The following NANOS3 variants were observed in gnomAD, a reference collection of about 807,000 sequenced individuals.
NANOS3 encodes nanos homolog 3.
Under a neutral mutation model 13.8 loss-of-function variants are expected in NANOS3, and 11 were observed. That is an observed-to-expected ratio of 0.80 (90% CI 0.50 to 1.32). The LOEUF is 1.32. Among genes scored for constraint, NANOS3 ranks in the 40% most tolerant of loss-of-function variants. The probability of loss-of-function intolerance (pLI) is 0.00; values close to 1 mark genes in which losing one functional copy is unlikely to be tolerated. For missense variants in NANOS3, 221 were observed against 263.8 expected, an observed-to-expected ratio of 0.84 and a Z score of 1.12; for synonymous variants, 119 against 115.4, an observed-to-expected ratio of 1.03 and a Z score of -0.20.
intron 1 of NANOS3, among the ~76,000 whole-genome samples, chr19:13,865,822 C>T (rs1324730018): frequency 3.3e-5 from 5 of 149,368 alleles, no homozygotes; most frequent in Non-Finnish European, 6.0e-5. Flanking sequence ...CGACACCTGA[C>T]CGCGCGCGGG....
chr19:13,872,928 G>A (rs940546856), upstream of NANOS3, among the ~76,000 whole-genome samples: 5 of 152,094 alleles, frequency 3.3e-5, no homozygotes, highest in African/African-American at 1.2e-4. Flanking sequence ...GGGGCTTCGG[G>A]AGGGCGAGTT....
At chr19:13,874,179 C>T (rs1401052377), upstream of NANOS3, among the ~76,000 whole-genome samples, 1 of 152,154 alleles carries the variant, frequency 6.6e-6, no homozygotes, top group African/African-American at 2.4e-5. Flanking sequence ...GACCTGACGA[C>T]CCCCCACCCC....
chr19:13,876,353 T>A (rs7251902), upstream of NANOS3, among the ~76,000 whole-genome samples: 1,651 of 152,112 alleles, frequency 0.011, 34 homozygotes, highest in African/African-American at 0.038. Context: ...AGAGACAGGG[T>A]TTCACCATGT....
intron 1 of NANOS3, among the ~76,000 whole-genome samples, chr19:13,869,258 C>G (rs575282500): frequency 6.6e-6 from 1 of 152,188 alleles, no homozygotes; most frequent in Non-Finnish European, 1.5e-5. Flanking sequence ...AAGTGATCCT[C>G]CTGCCTCGGC....
At chr19:13,863,879 G>A (rs961309830), upstream of NANOS3, among the ~76,000 whole-genome samples, 4 of 152,078 alleles carry the variant, frequency 2.6e-5, no homozygotes, top group African/African-American at 7.2e-5. Context: ...ACTGAGGCAG[G>A]ACTGTGGTGG....
upstream of NANOS3, among the ~76,000 whole-genome samples, chr19:13,865,238 G>GGGC (rs1328600038): frequency 6.8e-6 from 1 of 146,822 alleles, no homozygotes; most frequent in South Asian, 2.1e-4. Context: ...ACAGGCGGGC[G>GGGC]GGCGGCGGCG....
At chr19:13,867,318 C>T (rs997588508) in intron 1 of NANOS3, among the ~76,000 whole-genome samples, 1 of 123,562 alleles carries the variant, frequency 8.1e-6, no homozygotes, top group Non-Finnish European at 1.9e-5. Flanking sequence ...GATCTAGGCT[C>T]ACTGCAATCT....
chr19:13,874,632 C>G, upstream of NANOS3: 1 of 496,182 alleles, frequency 2.0e-6, no homozygotes, highest in Admixed American at 2.0e-5. Context: ...GTTCCTTACT[C>G]TCTCCTCCTC....
chr19:13,866,559 C>A (rs115336165), intron 1 of NANOS3, among the ~76,000 whole-genome samples: 1 of 152,330 alleles, frequency 6.6e-6, no homozygotes, highest in African/African-American at 2.4e-5. Flanking sequence ...TGTGTAGACA[C>A]GTCACCCACA....
At chr19:13,868,123 A>G (rs1227745665) in intron 1 of NANOS3, among the ~76,000 whole-genome samples, 1 of 151,716 alleles carries the variant, frequency 6.6e-6, no homozygotes, top group East Asian at 2.0e-4. Context: ...CAGTGACACA[A>G]TCTCAGCTCA....
chr19:13,864,557 C>A (rs1037146292), upstream of NANOS3, among the ~76,000 whole-genome samples: 11 of 152,084 alleles, frequency 7.2e-5, no homozygotes, highest in African/African-American at 2.7e-4. Flanking sequence ...ATGTCTATAT[C>A]CATGTATTAG....
chr19:13,880,498 A>C lies in NANOS3; in HGVS notation c.574A>C (p.Thr192Pro). The change falls in exon 2 of 2, where the codon ACC (threonine) becomes CCC (proline). Residue 192 changes from threonine (T) to proline (P), a missense_variant. Transcript: ENST00000339133. Reference sequence around the variant, plus strand: ...GCCCTCCTGCTCTCCCTCCATGTCCACCTAGGAGGCTGCCTACACCTGGGC... The same window carrying C: ...GCCCTCCTGCTCTCCCTCCATGTCCCCCTAGGAGGCTGCCTACACCTGGGC... ...PSPSCSPSMS[T>P] 6.2e-7 allele frequency: 1 copy of C among 1,613,240 alleles called. No homozygotes were observed. Among genetic ancestry groups the C allele is most frequent in the Non-Finnish European group, 8.5e-7 (1 of 1,179,576 alleles).
chr19:13,873,774 C>T (rs1037741797), upstream of NANOS3, among the ~76,000 whole-genome samples: 1 of 151,996 alleles, frequency 6.6e-6, no homozygotes, highest in Non-Finnish European at 1.5e-5. Context: ...CCGGCCATGC[C>T]GGGTGCACCT....
At chr19:13,869,942 G>A (rs1976301184) in intron 1 of NANOS3, among the ~76,000 whole-genome samples, 1 of 152,082 alleles carries the variant, frequency 6.6e-6, no homozygotes, top group African/African-American at 2.4e-5. Flanking sequence ...CCCACCCTGA[G>A]GGACTTCACA....
At chr19:13,864,486 C>T (rs1248812761), upstream of NANOS3, among the ~76,000 whole-genome samples, 1 of 152,038 alleles carries the variant, frequency 6.6e-6, no homozygotes, top group African/African-American at 2.4e-5. Flanking sequence ...AGTGGCTGTG[C>T]ATATATGTGT....
At chr19:13,864,680 T>C (rs191524621), upstream of NANOS3, among the ~76,000 whole-genome samples, 8 of 152,212 alleles carry the variant, frequency 5.3e-5, no homozygotes, top group Non-Finnish European at 1.0e-4. Flanking sequence ...TGTGATCTCC[T>C]GCGTGTCCGT....
upstream of NANOS3, among the ~76,000 whole-genome samples, chr19:13,873,608 C>CT (rs1968439895): frequency 6.6e-6 from 1 of 152,052 alleles, no homozygotes; most frequent in Admixed American, 6.6e-5. Context: ...TCCTAAGTAG[C>CT]TAAGACTACA....
intron 1 of NANOS3, among the ~76,000 whole-genome samples, chr19:13,870,565 T>A (rs78857091): frequency 7.5e-6 from 1 of 134,022 alleles, no homozygotes; most frequent in Non-Finnish European, 1.6e-5. Context: ...CGTGGCTTTT[T>A]TTTTTTTTTT....
At chr19:13,873,311 G>T (rs1968433383), upstream of NANOS3, among the ~76,000 whole-genome samples, 1 of 150,124 alleles carries the variant, frequency 6.7e-6, no homozygotes, top group African/African-American at 2.5e-5. Context: ...GTCCTCGGGG[G>T]CTCGGCCGGG....
Sources: allele counts gnomAD v4.1 joint callset (sites outside exome capture counted in the v4.1 genomes callset), GRCh38; gene constraint gnomAD v4.1.1; transcripts MANE v1.5; gene names NCBI Gene and HGNC (gene_info 2026-07-23, HGNC 2026-07-21).